Variants in FCRL4 observed in about 807,000 individuals in gnomAD.
The protein encoded by FCRL4 is Fc receptor-like protein 4.
In FCRL4, 43 loss-of-function variants were observed where a neutral mutation model predicts 64.1. The ratio of observed to expected loss-of-function variants is 0.67; its 90% confidence interval spans 0.53 to 0.87. FCRL4 has a LOEUF of 0.87. Ranked by LOEUF, FCRL4 falls within the 40% of genes least tolerant of loss-of-function variation. FCRL4 has a pLI of 0.00. For synonymous variants in FCRL4, 253 were observed against 239.8 expected (o/e 1.05, Z -0.51); for missense variants, 656 against 613.5 (o/e 1.07, Z -0.73).
At chr1:157,589,110 G>T in intron 3 of FCRL4, 94 bp downstream of exon 3, 1 of 1,369,928 alleles carries the variant, frequency 7.3e-7, no homozygotes, top group Non-Finnish European at 1.0e-6. Flanking sequence ...GAGGGTTAGA[G>T]AGGAATGAAA....
chr1:157,593,807 G>A (rs887290280), intron 2 of FCRL4, among the ~76,000 whole-genome samples: 7 of 152,104 alleles, frequency 4.6e-5, no homozygotes, highest in African/African-American at 1.7e-4. Flanking sequence ...TATTTTCTGA[G>A]TTTTGTAGTT....
At position 157,587,551 on chromosome 1, in the gene FCRL4, G is replaced by A. The variant is rs754195156; in HGVS notation, c.572C>T (p.Pro191Leu). 1.9e-6 allele frequency: 3 copies of A among 1,613,650 alleles called. No individual in the cohort carries two copies. The highest frequency in any genetic ancestry group is 2.5e-6 in the Non-Finnish European group (3 of 1,179,990). The part of the protein sequence containing the change: ...FKIIKIQELF[P>L]HPELKATDSQ... ...GTCTGTAGCTTTCAGCTCTGGATGT[G>A]GAAATAGTTCTAGAGAGAAGAGGTA... The change falls in exon 5 of 12, where the codon CCA (proline) becomes CTA (leucine). Residue 191 changes from proline (P) to leucine (L), a missense_variant. Coordinates refer to ENST00000271532, the MANE Select transcript of FCRL4 (RefSeq NM_031282.3).
At chr1:157,585,306 C>T (rs1652649295) in intron 6 of FCRL4, among the ~76,000 whole-genome samples, 1 of 149,428 alleles carries the variant, frequency 6.7e-6, no homozygotes, top group Non-Finnish European at 1.5e-5. Flanking sequence ...CTTTCTCTTT[C>T]CTCCTTTCCT....
Position 157,575,568 on chromosome 1 carries a change from C to G in FCRL4, c.1504G>C (p.Asp502His). ...VYSEVKTQHP[D>H]NSAGKISSKD... ...GAGCTGATCTTTCCAGCTGAGTTATCTGGGTGTTGTGTCTTTACCTCAGAG... is the reference window on the plus strand; with the variant it reads ...GAGCTGATCTTTCCAGCTGAGTTATGTGGGTGTTGTGTCTTTACCTCAGAG... Residue 502 changes from aspartate (D) to histidine (H), a missense_variant, in exon 12 of 12, where the codon GAT becomes CAT. By Grantham distance (81) the Asp-to-His change is moderately conservative. Coordinates refer to ENST00000271532, the MANE Select transcript of FCRL4 (RefSeq NM_031282.3). 2 of 1,614,006 alleles carry G rather than the reference C, an allele frequency of 1.2e-6. No homozygotes were observed. Among genetic ancestry groups the G allele is most frequent in the South Asian group, 2.2e-5 (2 of 91,076 alleles).
chr1:157,592,985 G>C (rs982854617), intron 2 of FCRL4, among the ~76,000 whole-genome samples: 2 of 152,150 alleles, frequency 1.3e-5, no homozygotes, highest in African/African-American at 4.8e-5. Context: ...CTATCACAAG[G>C]ACAGAAAACC....
intron 1 of FCRL4, among the ~76,000 whole-genome samples, chr1:157,596,800 C>T (rs1652976826): frequency 6.6e-6 from 1 of 152,120 alleles, no homozygotes; most frequent in East Asian, 1.9e-4. Context: ...AGTTAAAAGC[C>T]TAGTTTCCAA....
chr1:157,575,807 G>T (rs1652391560), intron 10 of FCRL4, 77 bp from the exon 11 acceptor site: 2 of 1,409,270 alleles, frequency 1.4e-6, no homozygotes, highest in Admixed American at 1.7e-5. Flanking sequence ...TGATGCCCTA[G>T]AGTCTGAGAG....
chr1:157,593,561 T>C (rs750997158), intron 2 of FCRL4, among the ~76,000 whole-genome samples: 12 of 152,216 alleles, frequency 7.9e-5, no homozygotes, highest in Non-Finnish European at 1.6e-4. Context: ...TGAAAACATG[T>C]ATGCATGGGC....
rs1652963991 is a variant in FCRL4 at position 157,596,339 on chromosome 1, C to G, written c.41G>C (p.Cys14Ser). 1 of 1,613,868 alleles carries G rather than the reference C, an allele frequency of 6.2e-7. No homozygotes were observed. Among genetic ancestry groups the G allele is most frequent in the African/African-American group, 1.3e-5 (1 of 74,908 alleles). The change falls in exon 2 of 12, where the codon TGT becomes TCT. Residue 14 changes from cysteine to serine, a missense_variant. Cys to Ser is a moderately radical substitution (Grantham distance 112). Coordinates refer to ENST00000271532, the MANE Select transcript of FCRL4 (RefSeq NM_031282.3). ...AAATAAGGACTTACCAGATTGTCCA[C>G]AGACTGGAGCTGAAAGAGAGTAAAG... ...WASLLAFAPV[C>S]GQSAAAHKPV...
At chr1:157,595,683 G>A (rs1216483672) in intron 2 of FCRL4, among the ~76,000 whole-genome samples, 1 of 152,230 alleles carries the variant, frequency 6.6e-6, no homozygotes, top group Non-Finnish European at 1.5e-5. Context: ...ACCGAGGAGG[G>A]GAAGAACAGC....
Position 157,587,329 on chromosome 1 carries a change from G to C in FCRL4, c.794C>G (p.Thr265Arg), listed in dbSNP as rs1023073972. The C allele has an allele frequency of 6.2e-7, 1 of 1,614,096 alleles. No homozygotes were observed. The highest frequency in any genetic ancestry group is 8.5e-7 in the Non-Finnish European group (1 of 1,180,044). Residue 265 changes from threonine (T) to arginine (R), a missense_variant, in exon 5 of 12, where the codon ACA becomes AGA. Thr to Arg is a moderately conservative substitution (Grantham distance 71). Coordinates refer to ENST00000271532, the MANE Select transcript of FCRL4 (RefSeq NM_031282.3). The stretch of plus-strand genomic sequence containing the variant: ...GTGCTTGTGGATGTTACCCCTCACT[G>C]TTTCAGCACCACACCAATAGGATCC... ...NSGSYWCGAE[T>R]VRGNIHKHSP...
chr1:157,590,402 G>T (rs1433992732), intron 2 of FCRL4, among the ~76,000 whole-genome samples: 2 of 152,038 alleles, frequency 1.3e-5, no homozygotes, highest in East Asian at 1.9e-4. Flanking sequence ...TTGGATGAGG[G>T]ATATTCAACC....
In FCRL4 at chr1:157,574,598, T is replaced by C. The variant is rs1348175821; in HGVS notation, c.*926A>G. On this transcript the variant is annotated 3_prime_UTR_variant, in exon 12 of 12. Coordinates refer to ENST00000271532, the MANE Select transcript of FCRL4 (RefSeq NM_031282.3). ...ATTAGTAACTCAAAGACACAGTTCC[T>C]ACAAGAAAAGCAACCTTATTTCCTT... 2 of 207,514 alleles carry C rather than the reference T, an allele frequency of 9.6e-6. No individual in the cohort carries two copies. Among genetic ancestry groups the C allele is most frequent in the Non-Finnish European group, 2.0e-5 (2 of 101,888 alleles). 12.9% of individuals were successfully genotyped at this position (207,514 alleles called of 1,614,324 possible).
At chr1:157,580,614 CAT>C in intron 7 of FCRL4, 1 of 453,190 alleles carries the variant, frequency 2.2e-6, no homozygotes, top group Non-Finnish European at 4.0e-6. Context: ...CCTCAGGAAA[CAT>C]TACATATAAC....
At chr1:157,597,733 T>C (rs1571147778) in intron 1 of FCRL4, among the ~76,000 whole-genome samples, 181 bp downstream of exon 1, 1 of 152,264 alleles carries the variant, frequency 6.6e-6, no homozygotes, top group Admixed American at 6.5e-5. Flanking sequence ...AATACATCTT[T>C]GGAAATCAAT....
rs1652565520 is a variant in FCRL4 at position 157,581,660 on chromosome 1, C to T, written c.1136-16G>A. 1.0e-5 allele frequency: 16 copies of T among 1,597,964 alleles called. No individual in the cohort carries two copies. Among genetic ancestry groups the T allele is most frequent in the Non-Finnish European group, 1.2e-5 (14 of 1,166,884 alleles). On this transcript the variant is annotated splice_polypyrimidine_tract_variant and intron_variant, in intron 6 of 11. Transcript: ENST00000271532. Reference sequence around the variant, plus strand: ...CCTGGGGTCTCTAAGGGGAAAGGACCTGTGTGAATCTCAGTGGAGAGGTTC... The same window carrying T: ...CCTGGGGTCTCTAAGGGGAAAGGACTTGTGTGAATCTCAGTGGAGAGGTTC...
At chr1:157,585,344 C>CTCTCTTTCTTTCTTTCTTTCTT (rs1386601138) in intron 6 of FCRL4, among the ~76,000 whole-genome samples, 2 of 81,276 alleles carry the variant, frequency 2.5e-5, no homozygotes, top group African/African-American at 8.8e-5. Context: ...CTTTCTCTCT[C>CTCTCTTTCTTTCTTTCTTTCTT]TCTTTCTTTC....
At chr1:157,590,517 TC>T (rs1460287700) in intron 2 of FCRL4, among the ~76,000 whole-genome samples, 3 of 148,002 alleles carry the variant, frequency 2.0e-5, no homozygotes, top group Non-Finnish European at 3.0e-5. Flanking sequence ...TGTTAGTCTG[TC>T]TTTTTTTTTT....
chr1:157,584,826 A>T (rs1226932394), intron 6 of FCRL4, among the ~76,000 whole-genome samples: 1 of 152,194 alleles, frequency 6.6e-6, no homozygotes, highest in African/African-American at 2.4e-5. Flanking sequence ...CTGACTTTGT[A>T]TAAACAGTGC....
Sources: allele counts gnomAD v4.1 joint callset (sites outside exome capture counted in the v4.1 genomes callset), GRCh38; gene constraint gnomAD v4.1.1; transcripts MANE v1.5; gene names NCBI Gene and HGNC (gene_info 2026-07-23, HGNC 2026-07-21).